SLC24A3: variants seen among roughly 807,000 people sequenced by gnomAD.
The protein encoded by SLC24A3 is sodium/potassium/calcium exchanger 3.
In SLC24A3, 28 loss-of-function variants were observed where a neutral mutation model predicts 75.8. The observed-to-expected ratio is 0.37, with a 90% CI of 0.27 to 0.51. The LOEUF is 0.51. Among genes scored for constraint, SLC24A3 ranks in the 20% least tolerant of loss-of-function variants. SLC24A3 has a pLI of 0.94. For missense variants in SLC24A3, 663 were observed against 847.8 expected, an observed-to-expected ratio of 0.78 and a Z score of 2.71; for synonymous variants, 372 against 334.1, an observed-to-expected ratio of 1.11 and a Z score of -1.24.
chr20:19,665,450 C>T (rs2032386712), intron 7 of SLC24A3, among the ~76,000 whole-genome samples: 1 of 152,186 alleles, frequency 6.6e-6, no homozygotes, highest in African/African-American at 2.4e-5. Flanking sequence ...CACAGACATG[C>T]AGAAATCTTA....
intron 1 of SLC24A3, among the ~76,000 whole-genome samples, chr20:19,248,566 A>G (rs1156430460): frequency 1.3e-5 from 2 of 152,198 alleles, no homozygotes; most frequent in African/African-American, 4.8e-5. Context: ...AAATGAATAC[A>G]GCCATTATGG....
chr20:19,409,872 C>A (rs79581533), intron 2 of SLC24A3, among the ~76,000 whole-genome samples: 1 of 149,660 alleles, frequency 6.7e-6, no homozygotes, highest in Non-Finnish European at 1.5e-5. Context: ...TATATGTATT[C>A]AAAAAATGTC....
In SLC24A3 at chr20:19,640,131, G is replaced by T. The variant is rs181256196; in HGVS notation, c.613-13931G>T. On this transcript the variant is annotated intron_variant, in intron 6 of 16. Coordinates refer to ENST00000328041, the MANE Select transcript of SLC24A3 (RefSeq NM_020689.4). Reference sequence around the variant, plus strand: ...CTCCTCAAGTGCCTCCAAAGTGGGAGCCCAGGCAGAGGAGGCGCGGAGAGC... The same window carrying T: ...CTCCTCAAGTGCCTCCAAAGTGGGATCCCAGGCAGAGGAGGCGCGGAGAGC... 2.8e-3 allele frequency among the ~76,000 whole-genome samples: 425 copies of T among 152,368 alleles called. 1 individual carries two copies. Among genetic ancestry groups the T allele is most frequent in the African/African-American group, 9.3e-3 (388 of 41,596 alleles).
intron 1 of SLC24A3, among the ~76,000 whole-genome samples, chr20:19,255,901 C>G (rs1190355968): frequency 1.3e-5 from 2 of 152,000 alleles, no homozygotes; most frequent in African/African-American, 2.4e-5. Flanking sequence ...TTTGAGACAT[C>G]CTGGGCAACA....
At chr20:19,477,722 G>A (rs774198617) in intron 2 of SLC24A3, among the ~76,000 whole-genome samples, 3 of 152,068 alleles carry the variant, frequency 2.0e-5, no homozygotes, top group Non-Finnish European at 4.4e-5. Flanking sequence ...CCCAATTAAG[G>A]CAAATGGCTT....
At chr20:19,524,754 A>G (rs1171834408) in intron 3 of SLC24A3, among the ~76,000 whole-genome samples, 1 of 152,222 alleles carries the variant, frequency 6.6e-6, no homozygotes, top group Non-Finnish European at 1.5e-5. Context: ...ACAGATCTGC[A>G]TAACATAGTT....
chr20:19,294,884 C>T (rs1479932494), intron 2 of SLC24A3, among the ~76,000 whole-genome samples: 3 of 152,200 alleles, frequency 2.0e-5, no homozygotes, highest in Non-Finnish European at 4.4e-5. Context: ...AATGGTTGAA[C>T]TAATTTACAT....
intron 15 of SLC24A3, among the ~76,000 whole-genome samples, chr20:19,705,849 T>A (rs76196433): frequency 6.6e-6 from 1 of 152,240 alleles, no homozygotes; most frequent in Non-Finnish European, 1.5e-5. Flanking sequence ...CATTTCTTAA[T>A]ACTCTGTGGC....
intron 1 of SLC24A3, among the ~76,000 whole-genome samples, chr20:19,250,547 G>T (rs777270189): frequency 2.0e-5 from 3 of 152,194 alleles, no homozygotes; most frequent in Non-Finnish European, 4.4e-5. Context: ...GTGTGCCAAA[G>T]AATCAGATGT....
intron 2 of SLC24A3, among the ~76,000 whole-genome samples, chr20:19,493,951 A>G (rs939591707): frequency 7.9e-5 from 12 of 152,192 alleles, no homozygotes; most frequent in Non-Finnish European, 1.8e-4. Flanking sequence ...TGGACACTGT[A>G]TCTCTTGGCT....
intron 2 of SLC24A3, among the ~76,000 whole-genome samples, chr20:19,322,501 G>A (rs1177631945): frequency 2.0e-5 from 3 of 151,308 alleles, no homozygotes; most frequent in Non-Finnish European, 2.9e-5. Context: ...GGACATAAGA[G>A]CCCATTTAAG....
intron 15 of SLC24A3, among the ~76,000 whole-genome samples, chr20:19,707,242 T>A (rs914815706): frequency 1.3e-5 from 2 of 152,090 alleles, no homozygotes; most frequent in Non-Finnish European, 2.9e-5. Flanking sequence ...CCACCCACCA[T>A]GAGGCTATGG....
At chr20:19,636,386 A>G (rs1248371296) in intron 6 of SLC24A3, among the ~76,000 whole-genome samples, 1 of 152,182 alleles carries the variant, frequency 6.6e-6, no homozygotes, top group East Asian at 1.9e-4. Context: ...CACTATTAAT[A>G]GACTAATGGC....
intron 8 of SLC24A3, among the ~76,000 whole-genome samples, chr20:19,671,126 G>C (rs2122727213): frequency 6.6e-6 from 1 of 152,320 alleles, no homozygotes; most frequent in South Asian, 2.1e-4. Flanking sequence ...AGGGAAGATT[G>C]CTTGGAGGAG....
At chr20:19,559,850 C>CGTTTG (rs2030846550) in intron 3 of SLC24A3, among the ~76,000 whole-genome samples, 1 of 151,782 alleles carries the variant, frequency 6.6e-6, no homozygotes, top group Admixed American at 6.6e-5. Context: ...AAAAGCAAAC[C>CGTTTG]CTAGATGAGG....
At chr20:19,248,525 G>A (rs1041910695) in intron 1 of SLC24A3, among the ~76,000 whole-genome samples, 6 of 152,096 alleles carry the variant, frequency 3.9e-5, no homozygotes, top group Non-Finnish European at 1.5e-5. Context: ...GTGGAGAAAA[G>A]GGAACCCTAG....
intron 3 of SLC24A3, among the ~76,000 whole-genome samples, chr20:19,555,818 A>G (rs2030773787): frequency 6.6e-6 from 1 of 152,240 alleles, no homozygotes; most frequent in African/African-American, 2.4e-5. Context: ...AGGGTTTCAA[A>G]AACCCAAGTC....
chr20:19,335,260 T>C (rs1985104013), intron 2 of SLC24A3, among the ~76,000 whole-genome samples: 2 of 152,230 alleles, frequency 1.3e-5, no homozygotes, highest in African/African-American at 4.8e-5. Context: ...AAATGAGTGG[T>C]GTCCACGGAT....
chr20:19,464,732 TGAGGTC>T (rs1452548065), intron 2 of SLC24A3, among the ~76,000 whole-genome samples: 3 of 152,196 alleles, frequency 2.0e-5, no homozygotes, highest in Non-Finnish European at 4.4e-5. Context: ...TTAAGTATAT[TGAGGTC>T]AAGAGAAAAA....
Sources: allele counts gnomAD v4.1 joint callset (sites outside exome capture counted in the v4.1 genomes callset), GRCh38; gene constraint gnomAD v4.1.1; transcripts MANE v1.5; gene names NCBI Gene and HGNC (gene_info 2026-07-23, HGNC 2026-07-21).